Variants in ANKFN1 observed in about 807,000 individuals in gnomAD.
The protein encoded by ANKFN1 is ankyrin repeat and fibronectin type-III domain-containing protein 1.
Under a neutral mutation model 108.7 loss-of-function variants are expected in ANKFN1, and 74 were observed. The ratio of observed to expected loss-of-function variants is 0.68; its 90% CI spans 0.56 to 0.83. The LOEUF is 0.83. Among genes scored for constraint, ANKFN1 ranks in the 40% least tolerant of loss-of-function variants. ANKFN1 has a pLI of 0.00. For synonymous variants in ANKFN1, 547 were observed against 516.2 expected, an observed-to-expected ratio of 1.06 and a Z score of -0.81; for missense variants, 1,505 against 1,382.3, an observed-to-expected ratio of 1.09 and a Z score of -1.41.
chr17:56,225,475 G>T (rs1422161443), intron 2 of ANKFN1, among the ~76,000 whole-genome samples: 1 of 152,046 alleles, frequency 6.6e-6, no homozygotes, highest in Non-Finnish European at 1.5e-5. Flanking sequence ...TTGTAACTTT[G>T]TGTTATATTG....
At chr17:56,340,297 C>G (rs545942949) in intron 4 of ANKFN1, among the ~76,000 whole-genome samples, 2 of 152,170 alleles carry the variant, frequency 1.3e-5, no homozygotes, top group South Asian at 4.1e-4. Context: ...TGCAGAAGCT[C>G]TTTAGTTTAA....
chr17:56,113,952 G>A (rs548027942), intron 4 of ANKFN1, among the ~76,000 whole-genome samples: 1 of 152,080 alleles, frequency 6.6e-6, no homozygotes. Context: ...CAAACTAATT[G>A]GACGTCAGAA....
chr17:56,098,417 A>AACACAC (rs139037719), intron 4 of ANKFN1, among the ~76,000 whole-genome samples: 26 of 146,588 alleles, frequency 1.8e-4, no homozygotes, highest in African/African-American at 6.2e-4. Flanking sequence ...CATACACACA[A>AACACAC]ACACACACAC....
chr17:56,121,376 A>T (rs893823144), intron 4 of ANKFN1, among the ~76,000 whole-genome samples: 3 of 152,000 alleles, frequency 2.0e-5, no homozygotes, highest in Non-Finnish European at 4.4e-5. Context: ...AAGAGCACTC[A>T]GCTAGCTTAA....
chr17:56,379,226 G>A (rs573165294), intron 8 of ANKFN1, among the ~76,000 whole-genome samples: 29 of 152,032 alleles, frequency 1.9e-4, no homozygotes, highest in East Asian at 3.9e-4. Flanking sequence ...GTGAAACCCC[G>A]TCTCTACTAA....
intron 14 of ANKFN1, among the ~76,000 whole-genome samples, chr17:56,463,648 AT>A (rs1411161158): frequency 6.6e-6 from 1 of 152,244 alleles, no homozygotes; most frequent in South Asian, 2.1e-4. Context: ...TAAGCTACTT[AT>A]CCCCCCAAAA....
At chr17:56,065,342 C>A (rs185647774) in intron 4 of ANKFN1, among the ~76,000 whole-genome samples, 1 of 152,174 alleles carries the variant, frequency 6.6e-6, no homozygotes, top group South Asian at 2.1e-4. Context: ...ATGACTTTCT[C>A]CATATCAGCA....
chr17:56,316,314 C>A (rs1485981753), intron 3 of ANKFN1, among the ~76,000 whole-genome samples: 2 of 152,102 alleles, frequency 1.3e-5, no homozygotes, highest in Non-Finnish European at 2.9e-5. Flanking sequence ...CTCCTTAATA[C>A]TAAGGATCTG....
intron 3 of ANKFN1, among the ~76,000 whole-genome samples, chr17:56,284,565 G>A (rs1264018250): frequency 6.6e-6 from 1 of 152,108 alleles, no homozygotes; most frequent in Non-Finnish European, 1.5e-5. Flanking sequence ...AATATGTGAT[G>A]GAAACCATTA....
intron 3 of ANKFN1, among the ~76,000 whole-genome samples, chr17:56,253,577 A>G (rs750244998): frequency 6.6e-6 from 1 of 152,090 alleles, no homozygotes; most frequent in Non-Finnish European, 1.5e-5. Context: ...ATCTCTACTA[A>G]ACATACAAAA....
At chr17:56,152,855 G>C (rs566935334), upstream of ANKFN1, among the ~76,000 whole-genome samples, 1 of 152,142 alleles carries the variant, frequency 6.6e-6, no homozygotes, top group Non-Finnish European at 1.5e-5. Flanking sequence ...AGAAAGGCCA[G>C]CCTCAGCCCT....
intron 1 of ANKFN1, among the ~76,000 whole-genome samples, chr17:56,203,861 A>G (rs1052019527): frequency 6.6e-6 from 1 of 152,114 alleles, no homozygotes; most frequent in Admixed American, 6.5e-5. Context: ...CGGGGCATCT[A>G]TTTTTATTAA....
intron 4 of ANKFN1, among the ~76,000 whole-genome samples, chr17:56,128,234 CTT>C (rs34450862): frequency 2.5e-3 from 364 of 146,498 alleles, no homozygotes; most frequent in Non-Finnish European, 4.1e-3. Context: ...GCCAATAGCC[CTT>C]TTTTTTTTTT....
At chr17:56,062,573 T>TTTTTTTTTTTTTTTTTTTTTC (rs1555589520) in intron 4 of ANKFN1, among the ~76,000 whole-genome samples, 30 of 145,206 alleles carry the variant, frequency 2.1e-4, no homozygotes, top group African/African-American at 8.5e-4. Context: ...TTTTTTTTTT[T>TTTTTTTTTTTTTTTTTTTTTC]CTTTCCATTT....
intron 8 of ANKFN1, among the ~76,000 whole-genome samples, chr17:56,399,323 T>G (rs1322181985): frequency 1.3e-5 from 2 of 152,034 alleles, no homozygotes; most frequent in African/African-American, 4.8e-5. Flanking sequence ...ATAGTATGGT[T>G]TAATATCGAG....
intron 14 of ANKFN1, chr17:56,462,166 C>T (rs2049923274): frequency 6.6e-6 from 1 of 152,040 alleles, no homozygotes; most frequent in South Asian, 2.1e-4. Flanking sequence ...ACTGAAGGCA[C>T]CTTTTGTTGG....
At chr17:56,505,425 G>A (rs2051523189) in intron 20 of ANKFN1, among the ~76,000 whole-genome samples, 1 of 152,182 alleles carries the variant, frequency 6.6e-6, no homozygotes, top group Non-Finnish European at 1.5e-5. Flanking sequence ...GTGTAGTTGG[G>A]AGGTCTTCAT....
chr17:56,260,107 A>T (rs1567869424), intron 3 of ANKFN1, among the ~76,000 whole-genome samples: 1 of 152,224 alleles, frequency 6.6e-6, no homozygotes. Flanking sequence ...TGGCCTAAGA[A>T]TTATCGTACC....
rs1333616844 is a variant in ANKFN1 at position 56,269,039 on chromosome 17, T to G, written c.53+41082T>G. 3.3e-5 allele frequency among the ~76,000 whole-genome samples: 5 copies of G among 152,326 alleles called. No individual in the cohort carries two copies. The South Asian group carries it at 6.2e-4, about 19-fold the overall frequency. On this transcript the variant is annotated intron_variant, in intron 3 of 20. Transcript: ENST00000682825. ...AGGTACAGGCATCCTGGCAGTTTTTTGGGGGTAGTTATATGACCTGGGCCA... is the reference window on the plus strand; with the variant it reads ...AGGTACAGGCATCCTGGCAGTTTTTGGGGGGTAGTTATATGACCTGGGCCA...
Sources: allele counts gnomAD v4.1 joint callset (sites outside exome capture counted in the v4.1 genomes callset), GRCh38; gene constraint gnomAD v4.1.1; transcripts MANE v1.5; gene names NCBI Gene and HGNC (gene_info 2026-07-23, HGNC 2026-07-21).